Variants in FBXO15 observed in about 807,000 individuals in gnomAD.
FBXO15 encodes F-box protein 15, also known as F-box only protein 15.
A neutral mutation model predicts 49.5 loss-of-function variants in FBXO15; 30 were observed. The ratio of observed to expected loss-of-function variants is 0.61; its 90% CI spans 0.45 to 0.82. The LOEUF is 0.82. Among genes scored for constraint, FBXO15 ranks in the 40% least tolerant of loss-of-function variants. FBXO15 has a pLI of 0.00. For missense variants in FBXO15, 591 were observed against 631.5 expected (o/e 0.94, Z 0.69); for synonymous variants, 250 against 232.7 (o/e 1.07, Z -0.68).
intron 9 of FBXO15, among the ~76,000 whole-genome samples, chr18:74,080,257 C>G (rs1259148186): frequency 6.6e-6 from 1 of 152,226 alleles, no homozygotes; most frequent in Non-Finnish European, 1.5e-5. Flanking sequence ...TATGACATCA[C>G]TGATCTGACT....
At chr18:74,077,660 C>A (rs1912309253) in intron 9 of FBXO15, among the ~76,000 whole-genome samples, 1 of 152,180 alleles carries the variant, frequency 6.6e-6, no homozygotes, top group South Asian at 2.1e-4. Flanking sequence ...AGAAAAAACA[C>A]CCTACACTGC....
In FBXO15 at chr18:74,140,361, G is replaced by A. The variant is rs1599192969; in HGVS notation, c.117-49C>T. ...AAATTATGTAATTACCAAATGAGGT[G>A]AATTATCTATTCCCTTCTACAAAAT... On this transcript the variant is annotated intron_variant, in intron 1 of 9. Transcript: ENST00000419743. 4 of 1,483,032 alleles carry A rather than the reference G, an allele frequency of 2.7e-6. No homozygotes were observed. The East Asian group carries it at 9.9e-5, about 37-fold the overall frequency. 91.9% of individuals were successfully genotyped at this position (1,483,032 alleles called of 1,614,324 possible).
At chr18:74,137,360 T>A (rs10514111) in intron 2 of FBXO15, among the ~76,000 whole-genome samples, 13,702 of 152,238 alleles carry the variant, frequency 0.09, 848 homozygotes, top group Admixed American at 0.17. Flanking sequence ...TTCACAAAAC[T>A]TCATATCTAT....
chr18:74,133,675 A>G (rs1317352234), intron 3 of FBXO15, among the ~76,000 whole-genome samples: 1 of 152,252 alleles, frequency 6.6e-6, no homozygotes, highest in Non-Finnish European at 1.5e-5. Flanking sequence ...CAGGCTATAC[A>G]AGGAGCACAA....
intron 1 of FBXO15, among the ~76,000 whole-genome samples, chr18:74,144,686 T>C (rs548639909): frequency 4.6e-5 from 7 of 152,326 alleles, no homozygotes; most frequent in South Asian, 2.1e-4. Context: ...AAATGTATTA[T>C]ATTATTTACC....
chr18:74,129,263 C>G (rs1392520386), intron 5 of FBXO15, 142 bp downstream of exon 5: 1 of 694,110 alleles, frequency 1.4e-6, no homozygotes, highest in Non-Finnish European at 2.3e-6. Context: ...CTCTTTTCCT[C>G]TTCTGCATTA....
chr18:74,100,425 G>A lies in FBXO15; in HGVS notation c.1139-18374C>T, dbSNP rs553572623. Among the ~76,000 whole-genome samples, 3 of 152,144 alleles carry A rather than the reference G, an allele frequency of 2.0e-5. No individual in the cohort carries two copies. In the East Asian group the frequency reaches 5.8e-4, roughly 29 times the overall value. ...GGATACAGCAAAAGTGGTGCTAAGA[G>A]GAAAGTTCATAGCCCTAAATCCCTA... On this transcript the variant is annotated intron_variant, in intron 8 of 9. Coordinates refer to ENST00000419743, the MANE Select transcript of FBXO15 (RefSeq NM_001142958.2).
At chr18:74,113,327 T>C (rs1599162704) in intron 8 of FBXO15, among the ~76,000 whole-genome samples, 1 of 152,142 alleles carries the variant, frequency 6.6e-6, no homozygotes, top group South Asian at 2.1e-4. Flanking sequence ...GCTCAGAGGA[T>C]TTTTAGGGTA....
At chr18:74,101,678 C>T (rs566582977) in intron 8 of FBXO15, among the ~76,000 whole-genome samples, 1 of 152,212 alleles carries the variant, frequency 6.6e-6, no homozygotes, top group Admixed American at 6.5e-5. Flanking sequence ...GCAAAAAGAA[C>T]AAATCTGGTG....
intron 5 of FBXO15, among the ~76,000 whole-genome samples, chr18:74,126,850 A>C (rs1012678403): frequency 6.6e-6 from 1 of 152,278 alleles, no homozygotes; most frequent in Non-Finnish European, 1.5e-5. Context: ...CCAGATCCGC[A>C]GCTGCCACAT....
At chr18:74,144,402 G>T (rs761128558) in intron 1 of FBXO15, among the ~76,000 whole-genome samples, 2 of 151,752 alleles carry the variant, frequency 1.3e-5, no homozygotes, top group African/African-American at 4.8e-5. Context: ...AAGTTGGGGG[G>T]TGGGGGTGTT....
intron 8 of FBXO15, among the ~76,000 whole-genome samples, chr18:74,120,562 T>G (rs1914428506): frequency 6.6e-6 from 1 of 152,174 alleles, no homozygotes; most frequent in Non-Finnish European, 1.5e-5. Context: ...ATTACACACT[T>G]CTATCTAACC....
At chr18:74,103,431 G>A (rs887405200) in intron 8 of FBXO15, among the ~76,000 whole-genome samples, 2 of 151,440 alleles carry the variant, frequency 1.3e-5, no homozygotes, top group African/African-American at 4.9e-5. Context: ...TGAAAGTTGA[G>A]CAAGAACAAG....
At chr18:74,111,957 T>C (rs193290493) in intron 8 of FBXO15, among the ~76,000 whole-genome samples, 1 of 152,296 alleles carries the variant, frequency 6.6e-6, no homozygotes, top group East Asian at 1.9e-4. Context: ...GACCAATTCC[T>C]TGAAAGACAC....
At chr18:74,092,427 C>T (rs1337188031) in intron 8 of FBXO15, among the ~76,000 whole-genome samples, 2 of 152,080 alleles carry the variant, frequency 1.3e-5, no homozygotes, top group Non-Finnish European at 2.9e-5. Flanking sequence ...CTAGTGTGGT[C>T]GTTTGGAGGT....
At position 74,130,631 on chromosome 18, in the gene FBXO15, A is replaced by C. The variant is rs1364428261; in HGVS notation, c.360T>G (p.Thr120=). The C allele has an allele frequency of 3.1e-6, 5 of 1,613,776 alleles. No homozygotes were observed. The African/African-American group carries it at 4.0e-5, about 13-fold the overall frequency. The change falls in exon 4 of 10, where the codon ACT becomes ACG. Residue 120 remains threonine, a synonymous_variant. Coordinates refer to ENST00000419743, the MANE Select transcript of FBXO15 (RefSeq NM_001142958.2). ...AATTTGATCTTGCAGGTGAAAAAGC[A>C]GTTGAGTAGATTCCGATCCAAATAA... is the stretch of plus-strand genomic sequence containing the variant. ...DNFIWIGIYS[T]AFSPARSNWK... is the part of the protein sequence containing the mutation.
At chr18:74,132,830 A>C (rs1372513571) in intron 3 of FBXO15, among the ~76,000 whole-genome samples, 1 of 152,040 alleles carries the variant, frequency 6.6e-6, no homozygotes, top group African/African-American at 2.4e-5. Flanking sequence ...GGCAAATAAA[A>C]CCCCCTTGTG....
intron 8 of FBXO15, among the ~76,000 whole-genome samples, chr18:74,110,248 A>G (rs558033645): frequency 4.0e-5 from 6 of 148,648 alleles, no homozygotes; most frequent in African/African-American, 1.5e-4. Flanking sequence ...CAGCAGTAAT[A>G]CAAAGATTGG....
intron 1 of FBXO15, among the ~76,000 whole-genome samples, chr18:74,143,677 A>C (rs1979226806): frequency 6.6e-6 from 1 of 152,236 alleles, no homozygotes; most frequent in Non-Finnish European, 1.5e-5. Context: ...TAGTCAATTA[A>C]AATATAGATT....
Sources: gnomAD v4.1 joint callset for allele counts (sites outside exome capture counted in the v4.1 genomes callset) on GRCh38, gnomAD v4.1.1 for gene constraint, MANE v1.5 for transcripts, NCBI Gene and HGNC (gene_info 2026-07-23, HGNC 2026-07-21) for gene names.